The following UBAP2 variants were observed in gnomAD, a reference collection of about 807,000 sequenced individuals.
UBAP2 encodes the protein ubiquitin associated protein 2.
Under a neutral mutation model 139.6 loss-of-function variants are expected in UBAP2, and 75 were observed. The ratio of observed to expected loss-of-function variants is 0.54; its 90% confidence interval spans 0.45 to 0.65. UBAP2 has a LOEUF of 0.65. Ranked by LOEUF, UBAP2 falls within the 30% of genes least tolerant of loss-of-function variation. UBAP2 has a pLI of 0.00. For synonymous variants in UBAP2, 526 were observed against 526.2 expected (o/e 1.00, Z 0.01); for missense variants, 1,368 against 1,369.6 (o/e 1.00, Z 0.02).
intron 12 of UBAP2, chr9:33,948,803 A>T (rs1825855932): frequency 4.2e-6 from 2 of 470,628 alleles, no homozygotes; most frequent in Non-Finnish European, 7.5e-6. Flanking sequence ...CTGACATAAG[A>T]AGTTAAAGGG....
intron 10 of UBAP2, among the ~76,000 whole-genome samples, chr9:33,960,547 G>A (rs1484320737): frequency 1.3e-5 from 2 of 151,972 alleles, no homozygotes; most frequent in African/African-American, 4.8e-5. Flanking sequence ...AGGTTGAGGC[G>A]GGTGTATCAC....
In UBAP2 at chr9:33,962,377, G is replaced by T. The variant is rs1318289416; in HGVS notation, c.745+1349C>A. On this transcript the variant is annotated intron_variant, in intron 9 of 28. Transcript: ENST00000379238. ...AAAAGTTTAAAAAAGGCTGGGCATGGTGGCTCATGCCTGTAATCCCAGCAC... is the reference window on the plus strand; with the variant it reads ...AAAAGTTTAAAAAAGGCTGGGCATGTTGGCTCATGCCTGTAATCCCAGCAC... Among the ~76,000 whole-genome samples, 7 of 152,294 alleles carry T rather than the reference G, an allele frequency of 4.6e-5. No individual in the cohort carries two copies. In the East Asian group the frequency reaches 1.3e-3, roughly 29 times the overall value.
intron 1 of UBAP2, among the ~76,000 whole-genome samples, chr9:34,022,928 C>A (rs1194050413): frequency 1.3e-5 from 2 of 151,856 alleles, no homozygotes; most frequent in African/African-American, 4.8e-5. Context: ...TCAGTGACCC[C>A]ATTTATGAAA....
chr9:33,942,133 G>T (rs933509498), intron 15 of UBAP2, among the ~76,000 whole-genome samples: 22 of 151,752 alleles, frequency 1.4e-4, no homozygotes, highest in Non-Finnish European at 3.1e-4. Flanking sequence ...CCAACATGGT[G>T]AAACCCCGTC....
chr9:33,978,712 G>C (rs1406744707), intron 6 of UBAP2, among the ~76,000 whole-genome samples: 1 of 151,962 alleles, frequency 6.6e-6, no homozygotes, highest in Non-Finnish European at 1.5e-5. Flanking sequence ...CCCAGGAGGG[G>C]GAGCGTGCAA....
intron 8 of UBAP2, among the ~76,000 whole-genome samples, chr9:33,971,255 T>C (rs1243764320): frequency 6.6e-6 from 1 of 152,186 alleles, no homozygotes; most frequent in Non-Finnish European, 1.5e-5. Context: ...TACAAACCCA[T>C]CTATCATCTA....
Position 33,941,746 on chromosome 9 carries a change from A to G in UBAP2, c.1832T>C (p.Val611Ala). The G allele has an allele frequency of 3.7e-6, 6 of 1,614,142 alleles. No individual in the cohort carries two copies. The highest frequency in any genetic ancestry group is 5.1e-6 in the Non-Finnish European group (6 of 1,180,004). The stretch of plus-strand genomic sequence containing the variant: ...CTGGTCATAAGAGGAAGACATTGCT[A>G]CTGGACTAGCAGAATTCAGTGATGA... ...TSSSLNSASP[V>A]AMSSSYDQSS... Residue 611 changes from valine (V) to alanine (A), a missense_variant, in exon 16 of 29, where the codon GTA (valine) becomes GCA (alanine). Val to Ala is a moderately conservative substitution (Grantham distance 64). Transcript: ENST00000379238.
chr9:34,020,379 G>A (rs976724352), intron 1 of UBAP2, among the ~76,000 whole-genome samples: 1 of 151,352 alleles, frequency 6.6e-6, no homozygotes, highest in African/African-American at 2.4e-5. Context: ...GGAGTGCAAC[G>A]AATAGTGCGA....
At chr9:33,951,713 A>G (rs1408680319) in intron 12 of UBAP2, among the ~76,000 whole-genome samples, 1 of 152,068 alleles carries the variant, frequency 6.6e-6, no homozygotes, top group Non-Finnish European at 1.5e-5. Flanking sequence ...CACACAAACA[A>G]TTCTTATTCT....
chr9:34,041,560 G>A (rs1040359313), intron 1 of UBAP2, among the ~76,000 whole-genome samples: 3 of 151,590 alleles, frequency 2.0e-5, no homozygotes, highest in Non-Finnish European at 4.4e-5. Flanking sequence ...AGCTGAGCAT[G>A]GTGGCAGGTG....
chr9:33,923,575 C>G (rs1823132502), intron 24 of UBAP2, 97 bp from the exon 25 acceptor site: 1 of 1,260,416 alleles, frequency 7.9e-7, no homozygotes, highest in Admixed American at 1.7e-5. Context: ...GTGACATACC[C>G]ACAACCACAG....
chr9:33,944,295 G>C lies in UBAP2; in HGVS notation c.1545+70C>G. On this transcript the variant is annotated intron_variant, in intron 14 of 28. Coordinates refer to ENST00000379238, the MANE Select transcript of UBAP2 (RefSeq NM_001370062.2). The stretch of plus-strand genomic sequence containing the variant: ...ACTGTACCCCAGTTTCCAAAACTTA[G>C]TATCCCACTAGAGCTGAATGTAAAA... 3.2e-6 allele frequency: 5 copies of C among 1,568,444 alleles called. No homozygotes were observed. In the South Asian group the frequency reaches 5.9e-5, roughly 18 times the overall value.
At chr9:34,028,879 G>A (rs1825643147) in intron 1 of UBAP2, among the ~76,000 whole-genome samples, 1 of 152,076 alleles carries the variant, frequency 6.6e-6, no homozygotes, top group Non-Finnish European at 1.5e-5. Flanking sequence ...TGCAGACTGG[G>A]GTAATTAGGA....
intron 14 of UBAP2, 30 bp from the exon 15 acceptor site, chr9:33,943,619 C>G (rs952846394): frequency 3.1e-6 from 5 of 1,610,714 alleles, no homozygotes; most frequent in Admixed American, 1.7e-5. Context: ...GTGTCAGGAA[C>G]AGAGGTCACA....
chr9:33,960,918 G>C (rs1827001824), intron 9 of UBAP2, 40 bp from the exon 10 acceptor site: 3 of 1,584,282 alleles, frequency 1.9e-6, no homozygotes, highest in Non-Finnish European at 2.6e-6. Context: ...ATACCACAAA[G>C]TCAAATACAG....
At chr9:34,013,066 A>G (rs1335391148) in intron 2 of UBAP2, among the ~76,000 whole-genome samples, 1 of 149,712 alleles carries the variant, frequency 6.7e-6, no homozygotes, top group Non-Finnish European at 1.5e-5. Context: ...AGGCAGGAGA[A>G]TCACTTGAAC....
At chr9:33,928,078 G>A (rs572740312) in intron 19 of UBAP2, 86 bp from the exon 20 acceptor site, 1,316 of 1,371,958 alleles carry the variant, frequency 9.6e-4, no homozygotes, top group Admixed American at 1.2e-3. Flanking sequence ...TTGGGCCCAA[G>A]TCTCAAGGCT....
intron 1 of UBAP2, among the ~76,000 whole-genome samples, chr9:34,036,733 C>A (rs904264547): frequency 2.6e-5 from 4 of 151,918 alleles, no homozygotes; most frequent in Non-Finnish European, 5.9e-5. Flanking sequence ...AACCATCATT[C>A]AGGCCTAATC....
rs1173781682 is a variant in UBAP2, at chr9:33,980,220, C to CTTTTTTTTT, written c.520+6531_520+6539dup. Among the ~76,000 whole-genome samples the CTTTTTTTTT allele has an allele frequency of 5.2e-3, 257 of 49,132 alleles. 66 individuals are homozygous for CTTTTTTTTT. The highest frequency in any genetic ancestry group is 0.025 in the Middle Eastern group (1 of 40). The allele number at this position is 49,132 out of a possible 152,430, so 32.2% of individuals were successfully genotyped here. A position where few individuals can be genotyped will look rare whatever the true frequency, so the allele number is the denominator to read the frequency against. On this transcript the variant is annotated intron_variant, in intron 6 of 28. Coordinates refer to ENST00000379238, the MANE Select transcript of UBAP2 (RefSeq NM_001370062.2). ...TTAATCCAAATCCTGAGTGTCATTT[C>CTTTTTTTTT]TTTTTTTTTTTTTTTTTTTTTTTTT...
Sources: gnomAD v4.1 joint callset for allele counts (sites outside exome capture counted in the v4.1 genomes callset) on GRCh38, gnomAD v4.1.1 for gene constraint, MANE v1.5 for transcripts, NCBI Gene and HGNC (gene_info 2026-07-23, HGNC 2026-07-21) for gene names.